ADAP1: variants seen among roughly 807,000 people sequenced by gnomAD.
The protein encoded by ADAP1 is ArfGAP with dual PH domains 1.
A neutral mutation model predicts 54.9 loss-of-function variants in ADAP1; 31 were observed. The observed-to-expected ratio is 0.56, with a 90% CI of 0.42 to 0.76. The LOEUF (loss-of-function observed/expected upper bound fraction) is 0.76, where lower values mean the gene tolerates loss of function less well. Ranked by LOEUF, ADAP1 falls within the 30% of genes least tolerant of loss-of-function variation. The pLI is 0.00. For synonymous variants in ADAP1, 313 were observed against 202.6 expected (o/e 1.55, Z -4.63); for missense variants, 535 against 512.4 (o/e 1.04, Z -0.42).
intron 4 of ADAP1, among the ~76,000 whole-genome samples, chr7:906,753 CAT>C (rs1845451985): frequency 1.1e-4 from 2 of 18,568 alleles, no homozygotes; most frequent in East Asian, 3.9e-3. Context: ...ACATAGGGGA[CAT>C]GGACAGGGGA....
intron 1 of ADAP1, among the ~76,000 whole-genome samples, chr7:952,145 C>T (rs777614836): frequency 2.6e-5 from 4 of 152,136 alleles, no homozygotes; most frequent in Non-Finnish European, 4.4e-5. Context: ...GGGTGGCCGC[C>T]GGGCGAGGCC....
rs1185090706 is a variant in ADAP1 at position 920,591 on chromosome 7, C to T, written c.306-541G>A. ...GACACAGGACGGAGCTATCAGGGCACCCGTCGAGGTCAGGAGGCGTCCGGG... is the reference window on the plus strand; with the variant it reads ...GACACAGGACGGAGCTATCAGGGCATCCGTCGAGGTCAGGAGGCGTCCGGG... On this transcript the variant is annotated intron_variant, in intron 3 of 10. Transcript: ENST00000265846. This position sits in a 1 kb window ranked among gnomAD's most constrained non-coding sequence, Gnocchi z 4.5. Among the ~76,000 whole-genome samples, 3 of 152,244 alleles carry T rather than the reference C, an allele frequency of 2.0e-5. No homozygotes were observed. The East Asian group carries it at 5.8e-4, about 29-fold the overall frequency.
intron 3 of ADAP1, among the ~76,000 whole-genome samples, chr7:924,148 C>T (rs900958932): frequency 5.5e-5 from 2 of 36,472 alleles, no homozygotes; most frequent in Non-Finnish European, 5.8e-5. Flanking sequence ...CCGGGTTACA[C>T]TGCAGGTCCA....
intron 1 of ADAP1, among the ~76,000 whole-genome samples, chr7:951,561 C>T (rs928114333): frequency 2.7e-5 from 4 of 150,372 alleles, no homozygotes; most frequent in African/African-American, 4.9e-5. Flanking sequence ...TGGGTGACAT[C>T]GAGAGACTGT....
intron 4 of ADAP1, among the ~76,000 whole-genome samples, chr7:919,338 G>A (rs1846066021): frequency 1.3e-5 from 2 of 152,168 alleles, no homozygotes; most frequent in Admixed American, 6.5e-5. Flanking sequence ...ACCACCAGCA[G>A]AGGAGGGGCC....
intron 9 of ADAP1, 39 bp downstream of exon 9, chr7:899,380 G>A (rs1277554277): frequency 6.2e-7 from 1 of 1,610,814 alleles, no homozygotes; most frequent in Non-Finnish European, 8.5e-7. Flanking sequence ...CCCAGCCAGT[G>A]AGCTGCCCTC....
intron 4 of ADAP1, among the ~76,000 whole-genome samples, chr7:918,914 AGTTGGGG>A (rs1249565342): frequency 4.9e-5 from 2 of 40,410 alleles, no homozygotes; most frequent in African/African-American, 4.8e-4. Context: ...GAGAAGCAGG[AGTTGGGG>A]ACTGCTGGGG....
chr7:908,210 G>A (rs1393094633), intron 4 of ADAP1, among the ~76,000 whole-genome samples: 2 of 152,176 alleles, frequency 1.3e-5, no homozygotes, highest in East Asian at 3.8e-4. Flanking sequence ...GCCAGACAGA[G>A]GCTCAGATTG....
rs1024381304 is a variant in ADAP1, at chr7:913,701, G to A, written c.388+6267C>T. 5.9e-5 allele frequency among the ~76,000 whole-genome samples: 9 copies of A among 152,140 alleles called. No individual in the cohort carries two copies. The South Asian group carries it at 1.2e-3, about 21-fold the overall frequency. On this transcript the variant is annotated intron_variant, in intron 4 of 10. Transcript: ENST00000265846. ...TATAATCTCAGCACTTTGGGAGGCCGAGGCGGGCGGGTCACCTGAGGTCAG... is the reference window on the plus strand; with the variant it reads ...TATAATCTCAGCACTTTGGGAGGCCAAGGCGGGCGGGTCACCTGAGGTCAG...
At chr7:942,458 AGAGGAGGAGGAAGG>A (rs1846973435) in intron 1 of ADAP1, among the ~76,000 whole-genome samples, 2 of 38,188 alleles carry the variant, frequency 5.2e-5, no homozygotes, top group African/African-American at 9.8e-5. Flanking sequence ...AGGAAGGGAG[AGAGGAGGAGGAAGG>A]GAGGAGGAGG....
intron 4 of ADAP1, among the ~76,000 whole-genome samples, chr7:911,509 C>T (rs997425289): frequency 1.3e-5 from 2 of 152,082 alleles, no homozygotes; most frequent in South Asian, 2.1e-4. Flanking sequence ...CGAACCCTGA[C>T]TCCTGTAAGA....
In ADAP1 at chr7:905,118, C is replaced by T. The variant is rs1321974791; in HGVS notation, c.443G>A (p.Ser148Asn). 5 of 1,612,380 alleles carry T rather than the reference C, an allele frequency of 3.1e-6. No homozygotes were observed. The highest frequency in any genetic ancestry group is 2.7e-5 in the African/African-American group (2 of 74,942). The change falls in exon 5 of 11, where the codon AGC (serine) becomes AAC (asparagine). Residue 148 changes from serine (S) to asparagine (N), a missense_variant. Ser to Asn is a conservative substitution (Grantham distance 46, BLOSUM62 1). Transcript: ENST00000265846. ...TCGTTCTGTCAGCACAAACTTCCGG[C>T]TCAAAAACTGCCCGTTGTCCCGGCC... ...KRGRDNGQFL[S>N]RKFVLTEREG...
chr7:926,931 A>T lies in ADAP1; in HGVS notation c.214-287T>A. On this transcript the variant is annotated intron_variant, in intron 2 of 10. Transcript: ENST00000265846. This position sits in a 1 kb window ranked among gnomAD's most constrained non-coding sequence, Gnocchi z 4.6. ...TGAGGATGGGTCTGAGGTTTGCCCCACCGTTTCAACCCCCAAGTCCACCCA... is the reference window on the plus strand; with the variant it reads ...TGAGGATGGGTCTGAGGTTTGCCCCTCCGTTTCAACCCCCAAGTCCACCCA... 8.2e-7 allele frequency: 1 copy of T among 1,223,446 alleles called. No individual in the cohort carries two copies. The highest frequency in any genetic ancestry group is 1.1e-6 in the Non-Finnish European group (1 of 937,022). The allele number at this position is 1,223,446 out of a possible 1,614,324, so 75.8% of individuals were successfully genotyped here.
At chr7:922,338 G>A (rs916869326) in intron 3 of ADAP1, among the ~76,000 whole-genome samples, 1 of 152,208 alleles carries the variant, frequency 6.6e-6, no homozygotes, top group Admixed American at 6.5e-5. Context: ...TCAGGGTCAG[G>A]TGGGTCCCCT....
intron 1 of ADAP1, among the ~76,000 whole-genome samples, chr7:939,510 G>A (rs1363979235): frequency 1.4e-5 from 2 of 147,854 alleles, no homozygotes; most frequent in African/African-American, 2.5e-5. Flanking sequence ...GAGCCACCAC[G>A]CCCAGCCTAC....
chr7:898,862 C>CG lies in ADAP1; in HGVS notation c.*58dup. 6.4e-7 allele frequency: 1 copy of CG among 1,557,466 alleles called. No homozygotes were observed. The highest frequency in any genetic ancestry group is 8.7e-7 in the Non-Finnish European group (1 of 1,153,308). ...CAGGACGCCAGAGCCCCCCCATCCACGGGTCCCCTCCGTCCAGCCACAGTG... is the reference window on the plus strand; with the variant it reads ...CAGGACGCCAGAGCCCCCCCATCCACGGGGTCCCCTCCGTCCAGCCACAGTG... On this transcript the variant is annotated 3_prime_UTR_variant, in exon 11 of 11. Transcript: ENST00000265846.
chr7:904,726 AC>A (rs1845009742), intron 5 of ADAP1, among the ~76,000 whole-genome samples: 1 of 152,156 alleles, frequency 6.6e-6, no homozygotes, highest in African/African-American at 2.4e-5. Context: ...TCCCCAGGGT[AC>A]CTCCAGGAAA....
intron 8 of ADAP1, 129 bp from the exon 9 acceptor site, chr7:899,619 G>T: frequency 1.9e-6 from 2 of 1,076,010 alleles, no homozygotes; most frequent in African/African-American, 1.6e-5. Flanking sequence ...ACTCACGCCT[G>T]CCGCTGGCCA....
chr7:932,467 C>T (rs936441160), intron 2 of ADAP1, among the ~76,000 whole-genome samples: 2 of 152,180 alleles, frequency 1.3e-5, no homozygotes, highest in Admixed American at 6.5e-5. Context: ...AGTCTGTGCC[C>T]CTGGAGGCCC....
Sources: allele counts gnomAD v4.1 joint callset (sites outside exome capture counted in the v4.1 genomes callset), GRCh38; gene constraint gnomAD v4.1.1; non-coding constraint Gnocchi (gnomAD v3.1); transcripts MANE v1.5; gene names NCBI Gene and HGNC (gene_info 2026-07-23, HGNC 2026-07-21).